The following TMEM164 variants were observed in gnomAD, a reference collection of about 807,000 sequenced individuals.
TMEM164 encodes the protein transmembrane protein 164.
Under a neutral mutation model 18.8 loss-of-function variants are expected in TMEM164, and 4 were observed. That is an observed-to-expected ratio of 0.21 (90% CI 0.10 to 0.49). The LOEUF is 0.49. Ranked by LOEUF, TMEM164 falls within the 20% of genes least tolerant of loss-of-function variation. The probability of loss-of-function intolerance (pLI) is 0.98; values close to 1 mark genes in which losing one functional copy is unlikely to be tolerated. For synonymous variants in TMEM164, 86 were observed against 101.7 expected, an observed-to-expected ratio of 0.85 and a Z score of 0.93; for missense variants, 108 against 239.9, an observed-to-expected ratio of 0.45 and a Z score of 3.63.
At chrX:110,143,821 G>A (rs1200055796) in intron 4 of TMEM164, among the ~76,000 whole-genome samples, 1 of 110,549 alleles carries the variant, frequency 9.0e-6, no homozygotes, top group East Asian at 2.8e-4. Flanking sequence ...GTGTGTGTGT[G>A]TGTGTGTGTG....
intron 4 of TMEM164, among the ~76,000 whole-genome samples, chrX:110,116,043 T>G (rs2066358757): frequency 8.9e-6 from 1 of 111,767 alleles, no homozygotes; most frequent in Admixed American, 9.5e-5. Flanking sequence ...TGGTGAGCTA[T>G]GGCCAACACT....
intron 2 of TMEM164, chrX:110,046,478 A>G: frequency 1.3e-6 from 1 of 754,287 alleles, no homozygotes; most frequent in Non-Finnish European, 1.6e-6. Flanking sequence ...AACAACTAGC[A>G]GGAGAGGTAA....
chrX:110,052,749 T>TG (rs1935618691), intron 2 of TMEM164, among the ~76,000 whole-genome samples: 2 of 94,932 alleles, frequency 2.1e-5, no homozygotes, highest in Non-Finnish European at 4.3e-5. Context: ...GCATCTGTTT[T>TG]TTTTTTTTTT....
At chrX:110,062,392 G>A (rs1245641743) in intron 2 of TMEM164, among the ~76,000 whole-genome samples, 1 of 111,885 alleles carries the variant, frequency 8.9e-6, no homozygotes. Context: ...TTAAACACGT[G>A]ATAATTACCA....
At chrX:110,027,435 T>G (rs1934250069) in intron 2 of TMEM164, among the ~76,000 whole-genome samples, 1 of 111,800 alleles carries the variant, frequency 8.9e-6, no homozygotes, top group Non-Finnish European at 1.9e-5. Flanking sequence ...CTGGATATGG[T>G]TTGCTAGTAT....
intron 4 of TMEM164, 92 bp downstream of exon 4, chrX:110,109,238 C>T (rs745427029): frequency 2.3e-5 from 21 of 901,693 alleles, no homozygotes; most frequent in Non-Finnish European, 3.2e-5. Flanking sequence ...ATATAGCTGG[C>T]CAGGCGCGGT....
chrX:110,081,381 G>A (rs1309687400), intron 3 of TMEM164, among the ~76,000 whole-genome samples: 1 of 111,236 alleles, frequency 9.0e-6, no homozygotes, highest in African/African-American at 3.3e-5. Flanking sequence ...GCCTAGGCAT[G>A]GTGGGAAACA....
At position 110,175,198 on chromosome X, in the gene TMEM164, A is replaced by G. The variant is rs1317197547; in HGVS notation, c.*1747A>G. ...CTCACCTTAGGGTGGCCCTCCAGGG[A>G]AGGTGCTCCTTGAATGGCTGGATTG... is the stretch of plus-strand genomic sequence containing the variant. On this transcript the variant is annotated 3_prime_UTR_variant, in exon 7 of 7. Coordinates refer to ENST00000372068, the MANE Select transcript of TMEM164 (RefSeq NM_032227.4). 1 of 112,931 alleles carries G rather than the reference A, an allele frequency of 8.9e-6. No homozygotes were observed. Among genetic ancestry groups the G allele is most frequent in the African/African-American group, 3.2e-5 (1 of 31,088 alleles). 9.3% of individuals were successfully genotyped at this position (112,931 alleles called of 1,213,427 possible). A position where few individuals can be genotyped will look rare whatever the true frequency, so the allele number is the denominator to read the frequency against.
At chrX:110,031,811 A>C (rs1416574343) in intron 2 of TMEM164, among the ~76,000 whole-genome samples, 2 of 108,300 alleles carry the variant, frequency 1.8e-5, no homozygotes, top group Non-Finnish European at 3.8e-5. Flanking sequence ...CTACTACTGT[A>C]CTCTCTACTT....
Position 110,140,373 on chromosome X carries a change from G to A in TMEM164, c.508-4425G>A, listed in dbSNP as rs181614343. Among the ~76,000 whole-genome samples, 4 of 111,960 alleles carry A rather than the reference G, an allele frequency of 3.6e-5. No homozygotes were observed. The East Asian group carries it at 1.1e-3, about 31-fold the overall frequency. ...ATGAGAAGAAAAACCCCCACTACTT[G>A]AGAGAGCTGTCAGGATAGCAGTGTC... is the stretch of plus-strand genomic sequence containing the variant. On this transcript the variant is annotated intron_variant, in intron 4 of 6. Coordinates refer to ENST00000372068, the MANE Select transcript of TMEM164 (RefSeq NM_032227.4).
intron 3 of TMEM164, 142 bp downstream of exon 3, chrX:110,067,538 A>G: frequency 1.9e-6 from 1 of 533,952 alleles, no homozygotes; most frequent in African/African-American, 2.3e-5. Context: ...AAGGTCTGTG[A>G]GGGCCTACTG....
At chrX:110,152,056 C>CTTTTTTTTTTTTTTTTTTTTTTTTTTTT (rs755801649) in intron 5 of TMEM164, among the ~76,000 whole-genome samples, 1 of 77,496 alleles carries the variant, frequency 1.3e-5, no homozygotes, top group Non-Finnish European at 2.5e-5. Context: ...CTTTTCTTTT[C>CTTTTTTTTTTTTTTTTTTTTTTTTTTTT]TTTTTTTTTT....
Position 110,008,277 on chromosome X carries a change from A to C in TMEM164, c.390+4113A>C, listed in dbSNP as rs139528838. ...GTTGCATTCCGGTTGTTATGTGATG[A>C]ATTTGTTTTAGAGAAGACCTGATGG... On this transcript the variant is annotated intron_variant, in intron 2 of 6. Transcript: ENST00000372068. Among the ~76,000 whole-genome samples, 8 of 112,033 alleles carry C rather than the reference A, an allele frequency of 7.1e-5. No homozygotes were observed. In the East Asian group the frequency reaches 2.2e-3, roughly 31 times the overall value.
chrX:110,125,880 G>A (rs1441398079), intron 4 of TMEM164, among the ~76,000 whole-genome samples: 1 of 112,440 alleles, frequency 8.9e-6, no homozygotes, highest in East Asian at 2.8e-4. Flanking sequence ...GGGTTTGAGA[G>A]GCAAAGCAAT....
At chrX:110,171,060 CA>C in intron 5 of TMEM164, among the ~76,000 whole-genome samples, 1 of 112,134 alleles carries the variant, frequency 8.9e-6, no homozygotes, top group South Asian at 3.7e-4. Context: ...ATTATGTGTA[CA>C]GTAAGATTGC....
Position 110,017,349 on chromosome X carries a change from T to C in TMEM164, c.390+13185T>C, listed in dbSNP as rs188998708. ...ATGGAAATCTTGTGCTTTTTGAGCA[T>C]CATTGTTTATTGCCTTCTTGAAAGT... On this transcript the variant is annotated intron_variant, in intron 2 of 6. Transcript: ENST00000372068. Among the ~76,000 whole-genome samples the C allele has an allele frequency of 7.4e-3, 829 of 112,154 alleles. 3 individuals carry two copies. Among genetic ancestry groups the C allele is most frequent in the Middle Eastern group, 0.014 (3 of 219 alleles).
In TMEM164 at chrX:110,051,379, G is replaced by C. The variant is rs145897972; in HGVS notation, c.391-15968G>C. On this transcript the variant is annotated intron_variant, in intron 2 of 6. Transcript: ENST00000372068. Reference sequence around the variant, plus strand: ...CCTACGTGAGTCTAATGTGCATTCAGTATTTAGAACTGCTGGGTTTTACAG... The same window carrying C: ...CCTACGTGAGTCTAATGTGCATTCACTATTTAGAACTGCTGGGTTTTACAG... 4.8e-3 allele frequency among the ~76,000 whole-genome samples: 529 copies of C among 110,708 alleles called. 2 individuals are homozygous for C. The highest frequency in any genetic ancestry group is 0.016 in the African/African-American group (489 of 30,462).
chrX:110,044,819 A>G (rs1935252749), intron 2 of TMEM164, among the ~76,000 whole-genome samples: 1 of 108,718 alleles, frequency 9.2e-6, no homozygotes, highest in African/African-American at 3.4e-5. Context: ...ACTTGTCACT[A>G]GGAAAGTGCC....
chrX:110,019,482 T>C (rs1451863743), intron 2 of TMEM164, among the ~76,000 whole-genome samples: 3 of 111,564 alleles, frequency 2.7e-5, no homozygotes, highest in Admixed American at 9.5e-5. Context: ...CACTACTCTA[T>C]CCTTTACTCT....
Sources: allele counts gnomAD v4.1 joint callset (sites outside exome capture counted in the v4.1 genomes callset), GRCh38; gene constraint gnomAD v4.1.1; transcripts MANE v1.5; gene names NCBI Gene and HGNC (gene_info 2026-07-23, HGNC 2026-07-21).